Variants in ZNF385D observed in about 807,000 individuals in gnomAD.
ZNF385D encodes zinc finger protein 385D.
Under a neutral mutation model 35.8 loss-of-function variants are expected in ZNF385D, and 15 were observed. The observed-to-expected ratio is 0.42, with a 90% confidence interval of 0.28 to 0.64. The LOEUF (loss-of-function observed/expected upper bound fraction) is 0.64. Among genes scored for constraint, ZNF385D ranks in the 30% least tolerant of loss-of-function variants. ZNF385D has a pLI of 0.23. For missense variants in ZNF385D, 474 were observed against 494.6 expected (o/e 0.96, Z 0.39); for synonymous variants, 212 against 186.8 (o/e 1.13, Z -1.10).
At chr3:21,953,201 T>G (rs1702140679) in intron 3 of ZNF385D, among the ~76,000 whole-genome samples, 1 of 151,916 alleles carries the variant, frequency 6.6e-6, no homozygotes, top group Non-Finnish European at 1.5e-5. Flanking sequence ...GTAAAGGTCA[T>G]GTGGGAAATG....
chr3:22,110,738 T>C (rs1702476719), intron 3 of ZNF385D, among the ~76,000 whole-genome samples: 1 of 151,210 alleles, frequency 6.6e-6, no homozygotes, highest in African/African-American at 2.4e-5. Flanking sequence ...TGTATACATA[T>C]GTAACTAACC....
intron 2 of ZNF385D, among the ~76,000 whole-genome samples, chr3:22,257,901 G>A (rs1407786028): frequency 6.6e-6 from 1 of 151,710 alleles, no homozygotes; most frequent in Non-Finnish European, 1.5e-5. Context: ...AAAAAATTAG[G>A]TTACCAATGC....
intron 3 of ZNF385D, among the ~76,000 whole-genome samples, chr3:22,112,293 A>AT (rs1281742162): frequency 3.1e-4 from 47 of 152,278 alleles, no homozygotes; most frequent in African/African-American, 1.0e-3. Context: ...AGTCTGAAAA[A>AT]TTAAAATAAT....
chr3:22,066,697 G>A (rs568466973), intron 3 of ZNF385D, among the ~76,000 whole-genome samples: 1 of 152,164 alleles, frequency 6.6e-6, no homozygotes, highest in East Asian at 1.9e-4. Flanking sequence ...GGAAAATCTA[G>A]TTAGGAAGTT....
chr3:21,421,072 T>TA lies in ZNF385D; in HGVS notation c.*141dup. 1 of 367,502 alleles carries TA rather than the reference T, an allele frequency of 2.7e-6. No homozygotes were observed. The highest frequency in any genetic ancestry group is 4.5e-6 in the Non-Finnish European group (1 of 220,704). The allele number at this position is 367,502 out of a possible 1,614,324, so 22.8% of individuals were successfully genotyped here. On this transcript the variant is annotated 3_prime_UTR_variant, in exon 8 of 8. Coordinates refer to ENST00000281523, the MANE Select transcript of ZNF385D (RefSeq NM_024697.3). ...CCCCCAAACCTCCCCCACTTTTTTA[T>TA]AACCTTTTCAATTCACTATCAAAAG...
At chr3:21,471,279 TCTCTCTCTCTCTCTCTCA>T (rs1703875156) in intron 4 of ZNF385D, among the ~76,000 whole-genome samples, 11 of 20,730 alleles carry the variant, frequency 5.3e-4, no homozygotes, top group Non-Finnish European at 4.5e-4. Flanking sequence ...TCTCTTTCTC[TCTCTCTCTCTCTCTCTCA>T]CACACACACA....
intron 3 of ZNF385D, among the ~76,000 whole-genome samples, chr3:22,091,011 A>G (rs1415178234): frequency 6.6e-6 from 1 of 152,230 alleles, no homozygotes; most frequent in African/African-American, 2.4e-5. Context: ...ATATATACCA[A>G]TAGAAACATG....
intron 1 of ZNF385D, among the ~76,000 whole-genome samples, chr3:21,719,644 C>G (rs2068459061): frequency 1.3e-5 from 2 of 152,162 alleles, no homozygotes; most frequent in Admixed American, 1.3e-4. Context: ...GAGGACCACC[C>G]AAAACATGCT....
chr3:21,662,548 G>A (rs760524731), intron 2 of ZNF385D, among the ~76,000 whole-genome samples: 3 of 152,136 alleles, frequency 2.0e-5, no homozygotes, highest in Non-Finnish European at 4.4e-5. Context: ...AACTCAGACT[G>A]TTACTGAAGG....
At chr3:21,466,371 A>G (rs1703516960) in intron 4 of ZNF385D, among the ~76,000 whole-genome samples, 1 of 152,168 alleles carries the variant, frequency 6.6e-6, no homozygotes, top group African/African-American at 2.4e-5. Context: ...AGAATAACAA[A>G]CTTCAAATGT....
intron 4 of ZNF385D, among the ~76,000 whole-genome samples, chr3:21,459,180 T>C (rs1055571296): frequency 6.6e-6 from 1 of 152,180 alleles, no homozygotes; most frequent in Non-Finnish European, 1.5e-5. Context: ...TTTTGGGCTA[T>C]CCTGTTGAGA....
chr3:21,782,026 C>T (rs762887273), intron 3 of ZNF385D, among the ~76,000 whole-genome samples: 4 of 152,074 alleles, frequency 2.6e-5, no homozygotes, highest in Non-Finnish European at 5.9e-5. Context: ...AGGGCGAGGA[C>T]TCCTCTGCAC....
intron 3 of ZNF385D, among the ~76,000 whole-genome samples, chr3:21,949,753 G>A (rs775823924): frequency 2.0e-5 from 3 of 151,584 alleles, no homozygotes; most frequent in Non-Finnish European, 4.4e-5. Flanking sequence ...TCCCCTCCAC[G>A]CGTCCATGTG....
intron 3 of ZNF385D, among the ~76,000 whole-genome samples, chr3:21,548,185 C>T (rs2062445314): frequency 6.6e-6 from 1 of 152,106 alleles, no homozygotes; most frequent in Non-Finnish European, 1.5e-5. Context: ...CCTAAATTTT[C>T]GTGGCGGTGA....
intron 2 of ZNF385D, among the ~76,000 whole-genome samples, chr3:22,359,019 A>G (rs1486279758): frequency 6.6e-6 from 1 of 151,406 alleles, no homozygotes; most frequent in Non-Finnish European, 1.5e-5. Flanking sequence ...TAGGCAAAAA[A>G]GTATACTGCC....
Position 21,751,075 on chromosome 3 carries a change from C to A in ZNF385D, c.-159G>T, listed in dbSNP as rs1575588589. 6.6e-7 allele frequency: 1 copy of A among 1,508,130 alleles called. No individual in the cohort carries two copies. 93.4% of individuals were successfully genotyped at this position (1,508,130 alleles called of 1,614,324 possible). A position where few individuals can be genotyped will look rare whatever the true frequency, so the allele number is the denominator to read the frequency against. On this transcript the variant is annotated 5_prime_UTR_variant, in exon 1 of 8. Transcript: ENST00000281523. ...GCGTGCCTCCTCCGCGGGATGAGCG[C>A]CTTGCAGGCTGCCTTTCCAGGGCTA...
chr3:22,191,489 G>GAA (rs200074769), intron 2 of ZNF385D, among the ~76,000 whole-genome samples: 234 of 107,376 alleles, frequency 2.2e-3, no homozygotes, highest in African/African-American at 7.1e-3. Context: ...CTCCATCTAA[G>GAA]AAAAAAAAAA....
At chr3:21,737,432 T>A (rs984217446) in intron 1 of ZNF385D, among the ~76,000 whole-genome samples, 1 of 151,308 alleles carries the variant, frequency 6.6e-6, no homozygotes, top group Non-Finnish European at 1.5e-5. Flanking sequence ...ACAGGTTACT[T>A]CCATTATATG....
intron 1 of ZNF385D, among the ~76,000 whole-genome samples, chr3:21,696,936 T>C (rs6781058): frequency 0.4 from 60,384 of 152,128 alleles, 13,448 homozygotes; most frequent in Middle Eastern, 0.53. Flanking sequence ...TTTCTTTGTT[T>C]TAATATTATT....
Sources: gnomAD v4.1 joint callset for allele counts (sites outside exome capture counted in the v4.1 genomes callset) on GRCh38, gnomAD v4.1.1 for gene constraint, MANE v1.5 for transcripts, NCBI Gene and HGNC (gene_info 2026-07-23, HGNC 2026-07-21) for gene names.